Variants in GALNT2 observed in about 807,000 individuals in gnomAD.
GALNT2 encodes the protein UDP-GalNAc:polypeptide N-acetylgalactosaminyltransferase 2.
Under a neutral mutation model 81.4 loss-of-function variants are expected in GALNT2, and 31 were observed. The observed-to-expected ratio is 0.38, with a 90% CI of 0.29 to 0.51. The LOEUF is 0.51. GALNT2 is among the 20% of genes least tolerant of loss of function. The pLI is 0.87. For missense variants in GALNT2, 629 were observed against 765.7 expected, an observed-to-expected ratio of 0.82 and a Z score of 2.11; for synonymous variants, 303 against 287.4, an observed-to-expected ratio of 1.05 and a Z score of -0.55.
chr1:230,125,990 C>T (rs1661164158), intron 1 of GALNT2, among the ~76,000 whole-genome samples: 1 of 152,222 alleles, frequency 6.6e-6, no homozygotes, highest in African/African-American at 2.4e-5. Flanking sequence ...GGAGGCAGCA[C>T]ACAGACAGGT....
rs567216397 is a variant in GALNT2 at position 230,138,386 on chromosome 1, A to G, written c.127-39832A>G. On this transcript the variant is annotated intron_variant, in intron 1 of 15. Coordinates refer to ENST00000366672, the MANE Select transcript of GALNT2 (RefSeq NM_004481.5). ...CTAAAAACACAAAAATTAGCCAGGC[A>G]TGGTGGTGCGTGCCTGTAATCCCAG... Among the ~76,000 whole-genome samples the G allele has an allele frequency of 1.4e-4, 21 of 152,172 alleles. No homozygotes were observed. In the South Asian group the frequency reaches 4.1e-3, roughly 30 times the overall value.
At chr1:230,245,605 C>T (rs1031150418) in intron 7 of GALNT2, among the ~76,000 whole-genome samples, 7 of 152,236 alleles carry the variant, frequency 4.6e-5, no homozygotes, top group Admixed American at 2.0e-4. Flanking sequence ...CACACACACA[C>T]TCCCACATAG....
At chr1:230,263,041 G>T in intron 13 of GALNT2, 36 bp downstream of exon 13, 1 of 1,552,212 alleles carries the variant, frequency 6.4e-7, no homozygotes, top group Non-Finnish European at 8.9e-7. Flanking sequence ...CACTTTGTAA[G>T]GGCTTAGAAG....
At chr1:230,060,792 G>A (rs1659028422) in intron 1 of GALNT2, among the ~76,000 whole-genome samples, 1 of 152,146 alleles carries the variant, frequency 6.6e-6, no homozygotes, top group Non-Finnish European at 1.5e-5. Flanking sequence ...TTATCATTGT[G>A]TATGCCTAGA....
At chr1:230,269,750 A>G (rs1055176171) in intron 14 of GALNT2, among the ~76,000 whole-genome samples, 5 of 151,580 alleles carry the variant, frequency 3.3e-5, no homozygotes, top group Non-Finnish European at 7.4e-5. Flanking sequence ...AAAAAAGATT[A>G]GCCAGTTGTG....
At chr1:230,150,230 G>A (rs140162162) in intron 1 of GALNT2, among the ~76,000 whole-genome samples, 25 of 152,302 alleles carry the variant, frequency 1.6e-4, no homozygotes, top group Non-Finnish European at 3.2e-4. Context: ...GCCTACCTCC[G>A]TGTGCTGCCG....
intron 1 of GALNT2, among the ~76,000 whole-genome samples, chr1:230,161,468 G>A (rs1300815062): frequency 4.6e-5 from 7 of 152,246 alleles, no homozygotes; most frequent in Non-Finnish European, 7.3e-5. Context: ...CTGTGCAGAC[G>A]TGGCAAAGAA....
At chr1:230,083,092 C>T (rs554590297) in intron 1 of GALNT2, among the ~76,000 whole-genome samples, 46 of 138,492 alleles carry the variant, frequency 3.3e-4, no homozygotes, top group Non-Finnish European at 5.1e-4. Context: ...GCAGGGAAGC[C>T]GGGATGATGG....
intron 14 of GALNT2, among the ~76,000 whole-genome samples, chr1:230,272,772 G>A (rs1666189174): frequency 6.6e-6 from 1 of 152,044 alleles, no homozygotes; most frequent in African/African-American, 2.4e-5. Flanking sequence ...GTTCGGTTCG[G>A]TTCAGTTCGG....
rs770887465 is a variant in GALNT2, at chr1:230,178,245, A to G, written c.154A>G (p.Lys52Glu). 1.9e-6 allele frequency: 3 copies of G among 1,614,032 alleles called. No individual in the cohort carries two copies. Among genetic ancestry groups the G allele is most frequent in the Non-Finnish European group, 2.5e-6 (3 of 1,179,910 alleles). ...GGACTGGAATGAAATTGACCCCATT[A>G]AAAAGAAAGACCTTCATCACAGCAA... ...KEDWNEIDPI[K>E]KKDLHHSNGE... Residue 52 changes from lysine to glutamate, a missense_variant, in exon 2 of 16, where the codon AAA (lysine) becomes GAA (glutamate). By Grantham distance (56) the Lys-to-Glu change is moderately conservative. Transcript: ENST00000366672.
chr1:230,114,298 C>G (rs1268184593), intron 1 of GALNT2, among the ~76,000 whole-genome samples: 1 of 152,146 alleles, frequency 6.6e-6, no homozygotes, highest in Admixed American at 6.5e-5. Context: ...TAGCTTCCGG[C>G]CATTCCTTGT....
At chr1:230,191,864 T>C (rs927974216) in intron 2 of GALNT2, among the ~76,000 whole-genome samples, 2 of 152,248 alleles carry the variant, frequency 1.3e-5, no homozygotes, top group Non-Finnish European at 2.9e-5. Flanking sequence ...CAGTTCTCGC[T>C]GTCCAGTGAA....
chr1:230,246,219 C>T, intron 8 of GALNT2, 69 bp downstream of exon 8: 1 of 1,173,786 alleles, frequency 8.5e-7, no homozygotes, highest in Non-Finnish European at 1.3e-6. Flanking sequence ...ACCACTCCCT[C>T]TCATTGTCAG....
intron 3 of GALNT2, among the ~76,000 whole-genome samples, chr1:230,208,541 A>G (rs1664136319): frequency 1.3e-5 from 2 of 152,224 alleles, no homozygotes; most frequent in African/African-American, 4.8e-5. Flanking sequence ...TGTTCAGCGT[A>G]TGGATGGTAT....
chr1:230,085,778 C>T (rs1435251751), intron 1 of GALNT2, among the ~76,000 whole-genome samples: 1 of 152,210 alleles, frequency 6.6e-6, no homozygotes, highest in African/African-American at 2.4e-5. Flanking sequence ...GGAGCTCCTC[C>T]TGGCTGGTTA....
Position 230,275,490 on chromosome 1 carries a change from TAC to T in GALNT2, c.1560+937_1560+938del, listed in dbSNP as rs570786420. Among the ~76,000 whole-genome samples the T allele has an allele frequency of 5.4e-4, 82 of 150,652 alleles. No individual in the cohort carries two copies. Among genetic ancestry groups the T allele is most frequent in the Middle Eastern group, 3.6e-3 (1 of 280 alleles). On this transcript the variant is annotated intron_variant, in intron 15 of 15. Coordinates refer to ENST00000366672, the MANE Select transcript of GALNT2 (RefSeq NM_004481.5). The surrounding 1 kb of genome is among the most constrained non-coding windows in gnomAD (Gnocchi z 5.5). ...TACAAACACCACATATATATACATATACACACACACACCACAGATACATACAT... is the reference window on the plus strand; with the variant it reads ...TACAAACACCACATATATATACATATACACACACACCACAGATACATACAT...
rs1177701809 is a variant in GALNT2 at position 230,275,993 on chromosome 1, A to G, written c.1560+1429A>G. Among the ~76,000 whole-genome samples the G allele has an allele frequency of 1.3e-5, 1 of 77,258 alleles. No homozygotes were observed. The highest frequency in any genetic ancestry group is 2.6e-5 in the Non-Finnish European group (1 of 38,450). 50.7% of individuals were successfully genotyped at this position (77,258 alleles called of 152,430 possible). ...GCCACATATATATACGTATATATACATGCCACATATATATACGTATATATA... is the reference window on the plus strand; with the variant it reads ...GCCACATATATATACGTATATATACGTGCCACATATATATACGTATATATA... On this transcript the variant is annotated intron_variant, in intron 15 of 15. Transcript: ENST00000366672. The surrounding 1 kb of genome is among the most constrained non-coding windows in gnomAD (Gnocchi z 5.5).
chr1:230,125,613 C>A (rs140343711), intron 1 of GALNT2, among the ~76,000 whole-genome samples: 1 of 152,304 alleles, frequency 6.6e-6, no homozygotes, highest in African/African-American at 2.4e-5. Flanking sequence ...GGGAGTTTCT[C>A]ATCAGAGGTC....
At chr1:230,076,502 C>T (rs1659561316) in intron 1 of GALNT2, among the ~76,000 whole-genome samples, 2 of 152,078 alleles carry the variant, frequency 1.3e-5, no homozygotes, top group Admixed American at 1.3e-4. Flanking sequence ...CAGATGCCTG[C>T]CTGATACCCA....
Sources: gnomAD v4.1 joint callset for allele counts (sites outside exome capture counted in the v4.1 genomes callset) on GRCh38, gnomAD v4.1.1 for gene constraint, Gnocchi (gnomAD v3.1) non-coding constraint, MANE v1.5 for transcripts, NCBI Gene and HGNC (gene_info 2026-07-23, HGNC 2026-07-21) for gene names.